The following DPY19L4 variants were observed in gnomAD, a reference collection of about 807,000 sequenced individuals.
DPY19L4 encodes the protein probable C-mannosyltransferase DPY19L4.
A neutral mutation model predicts 102.8 loss-of-function variants in DPY19L4; 97 were observed. The ratio of observed to expected loss-of-function variants is 0.94; its 90% CI spans 0.80 to 1.12. The LOEUF (loss-of-function observed/expected upper bound fraction) is 1.12. Ranked by LOEUF, DPY19L4 falls within the 50% of genes most tolerant of loss-of-function variation. The pLI is 0.00. For synonymous variants in DPY19L4, 252 were observed against 283.1 expected (o/e 0.89, Z 1.10); for missense variants, 815 against 850.4 (o/e 0.96, Z 0.52).
At chr8:94,741,055 G>A (rs1319407702) in intron 6 of DPY19L4, among the ~76,000 whole-genome samples, 4 of 152,112 alleles carry the variant, frequency 2.6e-5, no homozygotes, top group Non-Finnish European at 5.9e-5. Context: ...CTGTGTTTCT[G>A]TAATCTGAAA....
At chr8:94,788,645 G>A (rs760420219) in intron 18 of DPY19L4, among the ~76,000 whole-genome samples, 12 of 121,316 alleles carry the variant, frequency 9.9e-5, no homozygotes, top group African/African-American at 2.7e-4. Flanking sequence ...TGACGCACGC[G>A]CGCGCGCATG....
chr8:94,738,323 A>T, intron 3 of DPY19L4, 46 bp from the exon 4 acceptor site: 1 of 1,217,558 alleles, frequency 8.2e-7, no homozygotes, highest in Non-Finnish European at 1.1e-6. Context: ...TGTCTCAAAA[A>T]AAAAAAAAAA....
chr8:94,776,392 C>T (rs967200417), intron 13 of DPY19L4, among the ~76,000 whole-genome samples: 1 of 151,594 alleles, frequency 6.6e-6, no homozygotes, highest in African/African-American at 2.4e-5. Flanking sequence ...TGGTCTCAAA[C>T]TGCTGACCTC....
chr8:94,726,298 C>T (rs747254361), intron 1 of DPY19L4, 33 bp from the exon 2 acceptor site: 2 of 1,547,418 alleles, frequency 1.3e-6, no homozygotes, highest in Non-Finnish European at 1.7e-6. Flanking sequence ...CAATTTTATA[C>T]ACACATTGCA....
At chr8:94,731,257 C>T (rs1038425371) in intron 2 of DPY19L4, among the ~76,000 whole-genome samples, 5 of 151,982 alleles carry the variant, frequency 3.3e-5, no homozygotes, top group Non-Finnish European at 5.9e-5. Flanking sequence ...ACTTTTCTTA[C>T]TAGTTTTTAT....
At chr8:94,728,475 T>C (rs1810787271) in intron 2 of DPY19L4, among the ~76,000 whole-genome samples, 1 of 152,234 alleles carries the variant, frequency 6.6e-6, no homozygotes, top group Non-Finnish European at 1.5e-5. Flanking sequence ...TTGGAGAATG[T>C]GTCATCCTTA....
chr8:94,777,862 A>G, intron 14 of DPY19L4, 76 bp downstream of exon 14: 1 of 1,470,238 alleles, frequency 6.8e-7, no homozygotes, highest in Non-Finnish European at 9.2e-7. Flanking sequence ...TACATTGAAT[A>G]CAATTGAAAT....
intron 1 of DPY19L4, among the ~76,000 whole-genome samples, chr8:94,721,213 T>C (rs992380675): frequency 6.6e-6 from 1 of 152,226 alleles, no homozygotes; most frequent in African/African-American, 2.4e-5. Flanking sequence ...CCCAGAGTGC[T>C]GGGATTACAG....
At chr8:94,781,678 TA>T (rs1205567599) in intron 16 of DPY19L4, among the ~76,000 whole-genome samples, 1 of 152,106 alleles carries the variant, frequency 6.6e-6, no homozygotes, top group African/African-American at 2.4e-5. Context: ...GCAAAATACC[TA>T]GTCAGTGAAA....
At chr8:94,783,874 C>T in intron 17 of DPY19L4, 72 bp downstream of exon 17, 12 of 1,533,178 alleles carry the variant, frequency 7.8e-6, no homozygotes, top group Non-Finnish European at 1.1e-5. Context: ...CTGCAGTATA[C>T]ATATGCTTCT....
intron 7 of DPY19L4, among the ~76,000 whole-genome samples, chr8:94,757,186 C>T (rs958238409): frequency 1.3e-5 from 2 of 152,094 alleles, no homozygotes; most frequent in African/African-American, 2.4e-5. Context: ...CCTGGTTGTC[C>T]AGGAAACAGG....
At chr8:94,751,151 C>T (rs540175886) in intron 6 of DPY19L4, among the ~76,000 whole-genome samples, 36 of 147,384 alleles carry the variant, frequency 2.4e-4, no homozygotes, top group Non-Finnish European at 5.1e-4. Flanking sequence ...CAGAGTCTCA[C>T]TCTGTTGCCC....
At chr8:94,738,821 A>G (rs1359193900) in intron 4 of DPY19L4, among the ~76,000 whole-genome samples, 1 of 152,040 alleles carries the variant, frequency 6.6e-6, no homozygotes, top group East Asian at 1.9e-4. Flanking sequence ...TGTAATATCA[A>G]TATTTTTCTT....
chr8:94,731,260 G>C (rs931485077), intron 2 of DPY19L4, among the ~76,000 whole-genome samples: 5 of 151,882 alleles, frequency 3.3e-5, no homozygotes, highest in Non-Finnish European at 2.9e-5. Flanking sequence ...TTTCTTACTA[G>C]TTTTTATAGT....
chr8:94,792,750 G>A lies in DPY19L4; in HGVS notation c.*2840G>A, dbSNP rs952414699. ...GGGCGCCTGTAGTCCCAGCTACTCC[G>A]AGGCTGAAGCAGGAGAATGGCGTCA... On this transcript the variant is annotated 3_prime_UTR_variant, in exon 19 of 19. Coordinates refer to ENST00000414645, the MANE Select transcript of DPY19L4 (RefSeq NM_181787.3). 6.6e-6 allele frequency: 1 copy of A among 152,350 alleles called. No individual in the cohort carries two copies. Among genetic ancestry groups the A allele is most frequent in the Non-Finnish European group, 1.5e-5 (1 of 68,274 alleles). The allele number at this position is 152,350 out of a possible 1,614,324, so 9.4% of individuals were successfully genotyped here.
intron 1 of DPY19L4, chr8:94,720,306 G>A (rs1268799047): frequency 4.1e-6 from 4 of 972,058 alleles, no homozygotes; most frequent in African/African-American, 1.8e-5. Context: ...AAAGAGGGAG[G>A]GTCCTGATCA....
At chr8:94,764,992 T>A (rs1329845451) in intron 8 of DPY19L4, among the ~76,000 whole-genome samples, 191 bp from the exon 9 acceptor site, 1 of 151,600 alleles carries the variant, frequency 6.6e-6, no homozygotes, top group Non-Finnish European at 1.5e-5. Context: ...CCACTGAAAG[T>A]GCTGGGATTT....
At chr8:94,754,845 G>A (rs1812089067) in intron 6 of DPY19L4, among the ~76,000 whole-genome samples, 1 of 152,170 alleles carries the variant, frequency 6.6e-6, no homozygotes, top group East Asian at 1.9e-4. Context: ...CTGGAGTGCA[G>A]TGGTGCGATC....
chr8:94,723,814 G>A (rs185774319), intron 1 of DPY19L4, among the ~76,000 whole-genome samples: 2 of 151,966 alleles, frequency 1.3e-5, no homozygotes, highest in South Asian at 2.1e-4. Context: ...ATCTTCAAAC[G>A]TATGGCATCT....
Sources: allele counts gnomAD v4.1 joint callset (sites outside exome capture counted in the v4.1 genomes callset), GRCh38; gene constraint gnomAD v4.1.1; transcripts MANE v1.5; gene names NCBI Gene and HGNC (gene_info 2026-07-23, HGNC 2026-07-21).